The following NBPF11 variants were observed in gnomAD, a reference collection of about 807,000 sequenced individuals.
The protein encoded by NBPF11 is NBPF family member NBPF11.
NBPF11 carries 72 observed loss-of-function variants against 93.9 expected under a neutral mutation model. The ratio of observed to expected loss-of-function variants is 0.77; its 90% confidence interval spans 0.63 to 0.93. NBPF11 has a LOEUF of 0.93. NBPF11 is among the 40% of genes least tolerant of loss of function. The probability of loss-of-function intolerance (pLI) is 0.00; values close to 1 mark genes in which losing one functional copy is unlikely to be tolerated. For missense variants in NBPF11, 705 were observed against 802.2 expected (o/e 0.88, Z 1.46); for synonymous variants, 224 against 304.9 (o/e 0.73, Z 2.76).
intron 5 of NBPF11, among the ~76,000 whole-genome samples, chr1:148,125,656 C>T (rs1164162386): frequency 1.3e-5 from 2 of 151,986 alleles, no homozygotes; most frequent in Non-Finnish European, 2.9e-5. Context: ...TTAGAAACAT[C>T]AGAATGAAGA....
At chr1:148,129,450 G>T (rs1195415793) in intron 4 of NBPF11, 8 of 151,900 alleles carry the variant, frequency 5.3e-5, no homozygotes, top group South Asian at 2.0e-4. Flanking sequence ...CAGCAGCAGC[G>T]ACCAGAGGAG....
chr1:148,124,191 T>A, intron 6 of NBPF11, 124 bp from the exon 7 acceptor site: 1 of 716,884 alleles, frequency 1.4e-6, no homozygotes, highest in Non-Finnish European at 2.4e-6. Flanking sequence ...TCAGCACATG[T>A]TGAAAGGAAT....
At chr1:148,105,721 G>GACATACACACACACACACAC (rs1663396871) in intron 21 of NBPF11, among the ~76,000 whole-genome samples, 193 bp from the exon 22 acceptor site, 1 of 95,976 alleles carries the variant, frequency 1.0e-5, no homozygotes, top group Non-Finnish European at 1.9e-5. Context: ...GAGAAAGACA[G>GACATACACACACACACACAC]ACACACACAC....
In NBPF11 at chr1:148,145,205, T is replaced by C. The variant is rs1442486791; in HGVS notation, c.-548-1519A>G. ...GCATTGATTTCTTTTTTCTTTCTTT[T>C]TTTTTTTTTTTTTTTTTTTGGTACA... On this transcript the variant is annotated intron_variant, in intron 1 of 23. Transcript: ENST00000682118. 7.5e-3 allele frequency among the ~76,000 whole-genome samples: 775 copies of C among 103,904 alleles called. 14 individuals carry two copies. Among genetic ancestry groups the C allele is most frequent in the Admixed American group, 0.043 (445 of 10,422 alleles). The allele number at this position is 103,904 out of a possible 152,430, so 68.2% of individuals were successfully genotyped here.
intron 7 of NBPF11, among the ~76,000 whole-genome samples, chr1:148,123,226 G>T (rs1553272002): frequency 6.6e-6 from 1 of 152,028 alleles, no homozygotes; most frequent in Admixed American, 6.5e-5. Context: ...GACTGCACAG[G>T]CCCTCCATGT....
chr1:148,129,078 C>G, intron 4 of NBPF11, among the ~76,000 whole-genome samples: 1 of 126,054 alleles, frequency 7.9e-6, no homozygotes, highest in South Asian at 2.3e-4. Flanking sequence ...AGCAAACCAA[C>G]ATGGCACACG....
At chr1:148,109,889 G>T (rs1488589277) in intron 16 of NBPF11, among the ~76,000 whole-genome samples, 1 of 140,040 alleles carries the variant, frequency 7.1e-6, no homozygotes, top group Non-Finnish European at 1.5e-5. Context: ...GAACTTAGAA[G>T]ACACAGAAAA....
chr1:148,142,127 G>C (rs1303310950), intron 2 of NBPF11, among the ~76,000 whole-genome samples: 1 of 150,118 alleles, frequency 6.7e-6, no homozygotes, highest in Non-Finnish European at 1.5e-5. Context: ...TAAAGAGAGA[G>C]AGAAAGAGAG....
intron 17 of NBPF11, among the ~76,000 whole-genome samples, 173 bp from the exon 18 acceptor site, chr1:148,108,827 A>C (rs1664474157): frequency 7.1e-6 from 1 of 141,540 alleles, no homozygotes; most frequent in Non-Finnish European, 1.5e-5. Flanking sequence ...CAGGTAGAAA[A>C]GGATGAAAGA....
Position 148,104,423 on chromosome 1 carries a change from A to G in NBPF11, c.2581+114T>C. On this transcript the variant is annotated intron_variant, in intron 23 of 23. Coordinates refer to ENST00000682118, the MANE Select transcript of NBPF11 (RefSeq NM_001385469.3). ...AATGAAAACCAACAACAATGACAGT[A>G]GGAGTAATTCAGCCTTCGTTGAAAA... 3 of 630,042 alleles carry G rather than the reference A, an allele frequency of 4.8e-6. No homozygotes were observed. The East Asian group carries it at 7.9e-5, about 17-fold the overall frequency. 39.0% of individuals were successfully genotyped at this position (630,042 alleles called of 1,614,324 possible).
chr1:148,141,595 T>G (rs1203315929), intron 2 of NBPF11, among the ~76,000 whole-genome samples: 3 of 152,024 alleles, frequency 2.0e-5, no homozygotes, highest in Admixed American at 6.5e-5. Context: ...GTTGGAGATT[T>G]CAATGCCTAT....
At chr1:148,112,029 G>A (rs1474383397) in intron 15 of NBPF11, among the ~76,000 whole-genome samples, 2 of 147,596 alleles carry the variant, frequency 1.4e-5, no homozygotes, top group South Asian at 2.1e-4. Flanking sequence ...ACAAAGGGAA[G>A]CCCATCAGAC....
intron 1 of NBPF11, chr1:148,146,882 A>G (rs1673215559): frequency 3.7e-6 from 6 of 1,613,592 alleles, no homozygotes; most frequent in Non-Finnish European, 5.1e-6. Context: ...AGGAACCTCT[A>G]TGCCGACATC....
chr1:148,126,997 C>G lies in NBPF11; in HGVS notation c.7G>C (p.Val3Leu). MV[V>L]SAGPWSSEKA... ...TCGCTGGACCAAGGGCCGGCTGATA[C>G]CACCATGCTGACGTTTGTGGCAGAA... Residue 3 changes from valine (V) to leucine (L), a missense_variant, in exon 5 of 24, where the codon GTA becomes CTA. Around this residue, in one of 12 missense-constraint regions of NBPF11, gnomAD observed 128 missense variants for 112.8 expected, o/e 1.14. Coordinates refer to ENST00000682118, the MANE Select transcript of NBPF11 (RefSeq NM_001385469.3). 1.4e-6 allele frequency: 1 copy of G among 726,530 alleles called. No individual in the cohort carries two copies. Among genetic ancestry groups the G allele is most frequent in the Non-Finnish European group, 2.4e-6 (1 of 425,332 alleles). The allele number at this position is 726,530 out of a possible 1,614,324, so 45.0% of individuals were successfully genotyped here.
In NBPF11 at chr1:148,124,051, C is replaced by G. The variant is rs1278423084; in HGVS notation, c.295G>C (p.Val99Leu). 1.3e-6 allele frequency: 2 copies of G among 1,598,296 alleles called. No individual in the cohort carries two copies. The highest frequency in any genetic ancestry group is 2.7e-5 in the African/African-American group (2 of 74,288). Residue 99 changes from valine to leucine, a missense_variant, in exon 7 of 24, where the codon GTT (valine) becomes CTT (leucine). Physicochemically the swap from Val to Leu is conservative, Grantham distance 32. Transcript: ENST00000682118. ...AEELRQYKVL[V>L]HSQERELTQL... ...GTCAGCTCTCGTTCCTGAGAGTGAA[C>G]CAGGACTTTATATTGCCTAAGGTGA...
chr1:148,133,475 G>T (rs1244384196), intron 4 of NBPF11, among the ~76,000 whole-genome samples: 2,884 of 152,040 alleles, frequency 0.019, 20 homozygotes, highest in African/African-American at 0.066. Flanking sequence ...CCTTAATGGG[G>T]TTGGAAGTGT....
chr1:148,141,510 C>A (rs1390490190), intron 2 of NBPF11, among the ~76,000 whole-genome samples: 11 of 152,212 alleles, frequency 7.2e-5, no homozygotes, highest in African/African-American at 2.2e-4. Flanking sequence ...CAGCCCCATA[C>A]CAAGGTTTTG....
rs1251851082 is a variant in NBPF11, at chr1:148,125,739, T to C, written c.176-738A>G. 1.8e-3 allele frequency among the ~76,000 whole-genome samples: 268 copies of C among 152,130 alleles called. 5 individuals carry two copies. Among genetic ancestry groups the C allele is most frequent in the African/African-American group, 6.1e-3 (251 of 41,378 alleles). Reference sequence around the variant, plus strand: ...GACAGGAAATACCTCATGTAATTCATTGCAGCAATTTACAGAGGTAGGCAT... The same window carrying C: ...GACAGGAAATACCTCATGTAATTCACTGCAGCAATTTACAGAGGTAGGCAT... On this transcript the variant is annotated intron_variant, in intron 5 of 23. Coordinates refer to ENST00000682118, the MANE Select transcript of NBPF11 (RefSeq NM_001385469.3).
At chr1:148,150,324 G>T (rs1289758223) in intron 1 of NBPF11, among the ~76,000 whole-genome samples, 2 of 149,614 alleles carry the variant, frequency 1.3e-5, no homozygotes, top group Non-Finnish European at 3.0e-5. Flanking sequence ...GGCTGGTCTG[G>T]AACTCCTGGG....
Sources: gnomAD v4.1 joint callset for allele counts (sites outside exome capture counted in the v4.1 genomes callset) on GRCh38, gnomAD v4.1.1 for gene constraint, gnomAD v4.1.1 regional missense constraint, MANE v1.5 for transcripts, NCBI Gene and HGNC (gene_info 2026-07-23, HGNC 2026-07-21) for gene names.